Variants in KCNB2 observed in about 807,000 individuals in gnomAD.
KCNB2 encodes the protein potassium voltage-gated channel subfamily B member 2, also known as delayed rectifier potassium channel protein.
A neutral mutation model predicts 61.5 loss-of-function variants in KCNB2; 15 were observed. The observed-to-expected ratio is 0.24, with a 90% CI of 0.16 to 0.38. The LOEUF is 0.38. Ranked by LOEUF, KCNB2 falls within the 10% of genes least tolerant of loss-of-function variation. The pLI is 1.00. For missense variants in KCNB2, 828 were observed against 1,125.2 expected, an observed-to-expected ratio of 0.74 and a Z score of 3.78; for synonymous variants, 457 against 446.0, an observed-to-expected ratio of 1.02 and a Z score of -0.31.
chr8:72,732,689 C>T (rs929160687), intron 2 of KCNB2, among the ~76,000 whole-genome samples: 9 of 152,140 alleles, frequency 5.9e-5, no homozygotes, highest in Admixed American at 5.9e-4. Context: ...GTTGCATAAG[C>T]ATGACTTCCA....
At chr8:72,779,249 T>C (rs553608685) in intron 2 of KCNB2, among the ~76,000 whole-genome samples, 2 of 152,352 alleles carry the variant, frequency 1.3e-5, no homozygotes, top group South Asian at 2.1e-4. Context: ...TTCACTTCTC[T>C]ATCCTATGGT....
chr8:72,798,454 G>C (rs1809068183), intron 2 of KCNB2, among the ~76,000 whole-genome samples: 1 of 152,218 alleles, frequency 6.6e-6, no homozygotes, highest in South Asian at 2.1e-4. Flanking sequence ...CTCACAGAGT[G>C]GTTCACTAAG....
intron 2 of KCNB2, among the ~76,000 whole-genome samples, chr8:72,871,022 G>A (rs1463901403): frequency 4.6e-5 from 7 of 152,046 alleles, no homozygotes; most frequent in Non-Finnish European, 8.8e-5. Flanking sequence ...TTATTGAAGT[G>A]GAGTCAAAAT....
chr8:72,583,037 G>A (rs918401438), intron 2 of KCNB2, among the ~76,000 whole-genome samples: 1 of 151,790 alleles, frequency 6.6e-6, no homozygotes, highest in East Asian at 1.9e-4. Context: ...GACTTTCATT[G>A]TAATCCAAAA....
chr8:72,549,636 C>T (rs1806314325), intron 1 of KCNB2, among the ~76,000 whole-genome samples: 1 of 152,162 alleles, frequency 6.6e-6, no homozygotes, highest in African/African-American at 2.4e-5. Flanking sequence ...GCCATCCCTG[C>T]TGTCGTCATA....
At chr8:72,637,122 G>GC (rs1242795737) in intron 2 of KCNB2, among the ~76,000 whole-genome samples, 4 of 152,062 alleles carry the variant, frequency 2.6e-5, no homozygotes, top group Non-Finnish European at 5.9e-5. Context: ...GGAGGCTAAA[G>GC]CCCCCCTGCC....
At chr8:72,665,040 A>G (rs1034684374) in intron 2 of KCNB2, among the ~76,000 whole-genome samples, 6 of 152,204 alleles carry the variant, frequency 3.9e-5, no homozygotes, top group African/African-American at 7.2e-5. Context: ...AGTGGGGAAG[A>G]ACATCTAGGC....
At chr8:72,693,171 G>A (rs986163155) in intron 2 of KCNB2, among the ~76,000 whole-genome samples, 6 of 152,154 alleles carry the variant, frequency 3.9e-5, no homozygotes, top group East Asian at 1.9e-4. Context: ...CGTTTGCTGC[G>A]GGCCAGTTTG....
At chr8:72,888,827 A>G (rs985379587) in intron 2 of KCNB2, among the ~76,000 whole-genome samples, 10 of 152,206 alleles carry the variant, frequency 6.6e-5, no homozygotes, top group Non-Finnish European at 1.5e-4. Context: ...GAAGAGACAT[A>G]TAGAAAAATA....
chr8:72,843,685 A>T (rs1809935051), intron 2 of KCNB2, among the ~76,000 whole-genome samples: 1 of 152,148 alleles, frequency 6.6e-6, no homozygotes, highest in Non-Finnish European at 1.5e-5. Flanking sequence ...CTTTACCATT[A>T]TATAATGCCC....
At chr8:72,623,125 G>A (rs1424972052) in intron 2 of KCNB2, among the ~76,000 whole-genome samples, 1 of 152,164 alleles carries the variant, frequency 6.6e-6, no homozygotes, top group African/African-American at 2.4e-5. Flanking sequence ...CAGCATTTCT[G>A]TTGTAAAGAC....
chr8:72,896,261 G>C (rs1340603251), intron 2 of KCNB2, among the ~76,000 whole-genome samples: 1 of 152,080 alleles, frequency 6.6e-6, no homozygotes, highest in African/African-American at 2.4e-5. Flanking sequence ...AGTTAGAGGA[G>C]GATACCATCA....
At chr8:72,859,479 G>A (rs757436253) in intron 2 of KCNB2, among the ~76,000 whole-genome samples, 3 of 151,634 alleles carry the variant, frequency 2.0e-5, no homozygotes, top group East Asian at 1.9e-4. Flanking sequence ...TCTTTACCCC[G>A]AGAAAGGAAC....
Position 72,776,169 on chromosome 8 carries a change from C to T in KCNB2, c.580-159766C>T, listed in dbSNP as rs563621436. On this transcript the variant is annotated intron_variant, in intron 2 of 2. Transcript: ENST00000523207. ...CGCAGGGACAAAAAACCAAACACCG[C>T]ATGTTCTCACTCATAGGTGGGAATT... Among the ~76,000 whole-genome samples, 323 of 148,012 alleles carry T rather than the reference C, an allele frequency of 2.2e-3. 1 individual carries two copies. The highest frequency in any genetic ancestry group is 7.6e-3 in the African/African-American group (305 of 40,134).
chr8:72,859,661 AT>A (rs1433190357), intron 2 of KCNB2, among the ~76,000 whole-genome samples: 4 of 132,522 alleles, frequency 3.0e-5, no homozygotes, highest in Non-Finnish European at 6.2e-5. Flanking sequence ...TAGCATAATG[AT>A]TTCAAGATTC....
intron 2 of KCNB2, among the ~76,000 whole-genome samples, chr8:72,695,665 A>C (rs1234882779): frequency 1.3e-5 from 2 of 152,232 alleles, no homozygotes; most frequent in African/African-American, 4.8e-5. Flanking sequence ...TCAGCAAATT[A>C]AACAACAGTA....
At chr8:72,674,625 A>G (rs1262794743) in intron 2 of KCNB2, among the ~76,000 whole-genome samples, 4 of 152,234 alleles carry the variant, frequency 2.6e-5, no homozygotes, top group Non-Finnish European at 4.4e-5. Flanking sequence ...GTGAAGTTAT[A>G]TGCTTAAATC....
At chr8:72,869,907 A>G (rs1805590581) in intron 2 of KCNB2, among the ~76,000 whole-genome samples, 1 of 152,222 alleles carries the variant, frequency 6.6e-6, no homozygotes, top group South Asian at 2.1e-4. Flanking sequence ...TCACTGCGGT[A>G]TTATTCACAA....
chr8:72,905,644 G>T (rs1035198921), intron 2 of KCNB2, among the ~76,000 whole-genome samples: 3 of 152,132 alleles, frequency 2.0e-5, no homozygotes, highest in African/African-American at 7.2e-5. Flanking sequence ...CACGAGTATT[G>T]CAATGCCATT....
Sources: gnomAD v4.1 joint callset for allele counts (sites outside exome capture counted in the v4.1 genomes callset) on GRCh38, gnomAD v4.1.1 for gene constraint, MANE v1.5 for transcripts, NCBI Gene and HGNC (gene_info 2026-07-23, HGNC 2026-07-21) for gene names.